ANKRD17: variants seen among roughly 807,000 people sequenced by gnomAD.
The protein encoded by ANKRD17 is ankyrin repeat domain-containing protein 17.
Under a neutral mutation model 229.7 loss-of-function variants are expected in ANKRD17, and 19 were observed. That is an observed-to-expected ratio of 0.08 (90% CI 0.06 to 0.12). The LOEUF is 0.12. Among genes scored for constraint, ANKRD17 ranks in the 10% least tolerant of loss-of-function variants. The pLI is 1.00. For missense variants in ANKRD17, 2,176 were observed against 3,176.8 expected (o/e 0.68, Z 7.57); for synonymous variants, 1,112 against 1,146.1 (o/e 0.97, Z 0.60).
rs574924754 is a variant in ANKRD17 at position 73,227,570 on chromosome 4, C to G, written c.393+30706G>C. Among the ~76,000 whole-genome samples the G allele has an allele frequency of 1.4e-4, 21 of 152,066 alleles. No individual in the cohort carries two copies. The East Asian group carries it at 3.3e-3, about 24-fold the overall frequency. ...GTATTAAAGTGTAAATAGCAATTAA[C>G]ATATTAAGCTATGCAAACAAATGTA... On this transcript the variant is annotated intron_variant, in intron 1 of 33. Coordinates refer to ENST00000358602, the MANE Select transcript of ANKRD17 (RefSeq NM_032217.5).
At position 73,124,011 on chromosome 4, in the gene ANKRD17, G is replaced by GA. The variant is rs199765935; in HGVS notation, c.3492+901dup. ...TCACACAAAGAATAGGTGACTTCAG[G>GA]AAAAAAAAAATCTGAAGATAGAAAA... On this transcript the variant is annotated intron_variant, in intron 18 of 33. Coordinates refer to ENST00000358602, the MANE Select transcript of ANKRD17 (RefSeq NM_032217.5). Among the ~76,000 whole-genome samples the GA allele has an allele frequency of 7.3e-3, 1,072 of 146,812 alleles. 33 individuals carry two copies. Among genetic ancestry groups the GA allele is most frequent in the Admixed American group, 0.047 (694 of 14,854 alleles).
chr4:73,151,958 T>G (rs1304610882), intron 6 of ANKRD17, among the ~76,000 whole-genome samples: 1 of 152,238 alleles, frequency 6.6e-6, no homozygotes, highest in East Asian at 1.9e-4. Context: ...TCAGAAACAC[T>G]TTAGGAAAAA....
chr4:73,100,297 C>T (rs1723811409), intron 25 of ANKRD17, among the ~76,000 whole-genome samples: 1 of 152,080 alleles, frequency 6.6e-6, no homozygotes, highest in South Asian at 2.1e-4. Context: ...GAAGGTGGGG[C>T]CCTGCCCCTA....
intron 16 of ANKRD17, among the ~76,000 whole-genome samples, chr4:73,129,094 C>T (rs950583467): frequency 7.9e-5 from 12 of 152,022 alleles, no homozygotes; most frequent in Non-Finnish European, 1.6e-4. Flanking sequence ...GAGAAAGTCC[C>T]GAACCTGAAA....
rs775522062 is a variant in ANKRD17, at chr4:73,098,181, T to G, written c.4913A>C (p.His1638Pro). ...AGTGGTAGTGACCACAGCTGGTGAATGATTGTCACTCTTACGACTGCTGTT... is the reference window on the plus strand; with the variant it reads ...AGTGGTAGTGACCACAGCTGGTGAAGGATTGTCACTCTTACGACTGCTGTT... ...NSNSSRKSDN[H>P]SPAVVTTTVS... Residue 1638 changes from histidine to proline, a missense_variant, in exon 26 of 34, where the codon CAT becomes CCT. Physicochemically the swap from His to Pro is moderately conservative, Grantham distance 77. Transcript: ENST00000358602. 2 of 1,614,100 alleles carry G rather than the reference T, an allele frequency of 1.2e-6. No individual in the cohort carries two copies. Among genetic ancestry groups the G allele is most frequent in the Non-Finnish European group, 1.7e-6 (2 of 1,180,036 alleles).
intron 1 of ANKRD17, among the ~76,000 whole-genome samples, chr4:73,237,038 A>C (rs962130167): frequency 6.6e-6 from 1 of 152,246 alleles, no homozygotes; most frequent in African/African-American, 2.4e-5. Context: ...GAAACTGTGA[A>C]GTATTCATAT....
At chr4:73,088,407 C>T (rs536101436) in intron 29 of ANKRD17, among the ~76,000 whole-genome samples, 2 of 152,268 alleles carry the variant, frequency 1.3e-5, no homozygotes, top group Admixed American at 6.5e-5. Context: ...CAACTATACA[C>T]TCCCTAAAAA....
intron 1 of ANKRD17, among the ~76,000 whole-genome samples, chr4:73,216,443 GCTCT>G (rs1175837686): frequency 2.0e-5 from 3 of 152,120 alleles, no homozygotes; most frequent in Non-Finnish European, 4.4e-5. Context: ...TAAAACTATT[GCTCT>G]AATAATCCCT....
Position 73,077,196 on chromosome 4 carries a change from C to T in ANKRD17, c.7588-92G>A, listed in dbSNP as rs1416457410. 4.3e-6 allele frequency: 6 copies of T among 1,381,890 alleles called. No individual in the cohort carries two copies. The East Asian group carries it at 1.5e-4, about 35-fold the overall frequency. The allele number at this position is 1,381,890 out of a possible 1,614,324, so 85.6% of individuals were successfully genotyped here. On this transcript the variant is annotated intron_variant, in intron 32 of 33. Coordinates refer to ENST00000358602, the MANE Select transcript of ANKRD17 (RefSeq NM_032217.5). ...GCCTTAAAATTGATATTTGAAAGTT[C>T]ACCTCATCCTGGGAATGTGTAACTT...
chr4:73,093,456 C>T (rs1722985475), intron 28 of ANKRD17, among the ~76,000 whole-genome samples: 1 of 150,440 alleles, frequency 6.6e-6, no homozygotes, highest in African/African-American at 2.5e-5. Flanking sequence ...CGGCTCACCG[C>T]AACCTCTGCC....
chr4:73,195,220 C>G (rs1737690299), intron 1 of ANKRD17, among the ~76,000 whole-genome samples: 1 of 152,054 alleles, frequency 6.6e-6, no homozygotes, highest in East Asian at 1.9e-4. Flanking sequence ...AGGATACACA[C>G]CATTTGGTGA....
intron 24 of ANKRD17, among the ~76,000 whole-genome samples, chr4:73,104,754 TG>T (rs1285174139): frequency 7.0e-6 from 1 of 143,190 alleles, no homozygotes; most frequent in East Asian, 2.1e-4. Context: ...AAGCGGGAGG[TG>T]GGGGGGATTT....
intron 1 of ANKRD17, among the ~76,000 whole-genome samples, chr4:73,227,949 G>A (rs1468786745): frequency 6.6e-6 from 1 of 151,840 alleles, no homozygotes; most frequent in Non-Finnish European, 1.5e-5. Flanking sequence ...TTTAACTTAG[G>A]GAATGGTGAG....
intron 1 of ANKRD17, among the ~76,000 whole-genome samples, chr4:73,233,647 T>C (rs911098218): frequency 2.0e-5 from 3 of 152,146 alleles, no homozygotes; most frequent in African/African-American, 7.2e-5. Flanking sequence ...ATCCTCTACC[T>C]TGGGATTATT....
Position 73,077,338 on chromosome 4 carries a change from C to CA in ANKRD17, c.7587+16dup, listed in dbSNP as rs1721100617. 1.9e-6 allele frequency: 3 copies of CA among 1,588,276 alleles called. No individual in the cohort carries two copies. Among genetic ancestry groups the CA allele is most frequent in the Middle Eastern group, 3.4e-4 (2 of 5,920 alleles). ...AAAATCCTCCCTTAAATAACTAGTA[C>CA]AAAATCAGGACTTTACCCCAACTTT... is the stretch of plus-strand genomic sequence containing the variant. On this transcript the variant is annotated intron_variant, in intron 32 of 33. Coordinates refer to ENST00000358602, the MANE Select transcript of ANKRD17 (RefSeq NM_032217.5).
chr4:73,162,873 G>A (rs1174681982), intron 2 of ANKRD17, among the ~76,000 whole-genome samples: 1 of 151,646 alleles, frequency 6.6e-6, no homozygotes, highest in Non-Finnish European at 1.5e-5. Context: ...TTTTGTTTTT[G>A]TTTTAAGATA....
In ANKRD17 at chr4:73,131,020, T is replaced by C. The variant is rs560564137; in HGVS notation, c.3234+4097A>G. Among the ~76,000 whole-genome samples, 83 of 152,114 alleles carry C rather than the reference T, an allele frequency of 5.5e-4. 1 individual carries two copies. The South Asian group carries it at 0.016, about 29-fold the overall frequency. ...AAACTCAACTTAAACTCAAGCAAAA[T>C]AAACACAAAGGTCAGAGCAATGCTA... On this transcript the variant is annotated intron_variant, in intron 16 of 33. Coordinates refer to ENST00000358602, the MANE Select transcript of ANKRD17 (RefSeq NM_032217.5).
At chr4:73,078,144 C>T (rs193021199) in intron 31 of ANKRD17, among the ~76,000 whole-genome samples, 15 of 151,940 alleles carry the variant, frequency 9.9e-5, no homozygotes, top group Admixed American at 2.6e-4. Context: ...TTTGGGAGAC[C>T]GAGGCGGGCG....
At chr4:73,112,762 T>C in intron 24 of ANKRD17, 1 of 774,908 alleles carries the variant, frequency 1.3e-6, no homozygotes, top group African/African-American at 1.9e-5. Flanking sequence ...GATGTTAAAT[T>C]TTATAGCATT....
Sources: gnomAD v4.1 joint callset for allele counts (sites outside exome capture counted in the v4.1 genomes callset) on GRCh38, gnomAD v4.1.1 for gene constraint, MANE v1.5 for transcripts, NCBI Gene and HGNC (gene_info 2026-07-23, HGNC 2026-07-21) for gene names.